The following COL5A2 variants were observed in gnomAD, a reference collection of about 807,000 sequenced individuals.
COL5A2 encodes collagen alpha-2(V) chain.
In COL5A2, 23 loss-of-function variants were observed where a neutral mutation model predicts 208.2. That is an observed-to-expected ratio of 0.11 (90% confidence interval 0.08 to 0.16). The LOEUF (loss-of-function observed/expected upper bound fraction) is 0.16. Ranked by LOEUF, COL5A2 falls within the 10% of genes least tolerant of loss-of-function variation. COL5A2 has a pLI of 1.00. For synonymous variants in COL5A2, 625 were observed against 628.5 expected, an observed-to-expected ratio of 0.99 and a Z score of 0.08; for missense variants, 1,590 against 1,956.4, an observed-to-expected ratio of 0.81 and a Z score of 3.53.
chr2:189,213,033 C>T (rs1014109708), intron 1 of COL5A2, among the ~76,000 whole-genome samples: 11 of 151,990 alleles, frequency 7.2e-5, no homozygotes, highest in African/African-American at 1.4e-4. Context: ...GGACTACAGG[C>T]GCATGTCACC....
chr2:189,053,471 G>C lies in COL5A2; in HGVS notation c.2506C>G (p.Arg836Gly), dbSNP rs367718811. 9.3e-6 allele frequency: 15 copies of C among 1,613,438 alleles called. No homozygotes were observed. The highest frequency in any genetic ancestry group is 1.3e-5 in the Non-Finnish European group (15 of 1,179,640). The stretch of plus-strand genomic sequence containing the variant: ...GCTCCAGTTGGCCCATTTTCACCTC[G>C]AGAACCCTAGGAGGAGACAAAGATT... Reference protein sequence around the residue: ...PPGSRGNPGSRGENGPTGAVG... With the variant: ...PPGSRGNPGSGGENGPTGAVG... Residue 836 changes from arginine (R) to glycine (G), a missense_variant, in exon 38 of 54, where the codon CGA becomes GGA. Arg to Gly is a moderately radical substitution (Grantham distance 125). Coordinates refer to ENST00000374866, the MANE Select transcript of COL5A2 (RefSeq NM_000393.5).
At chr2:189,067,623 ACT>A (rs1394478496) in intron 21 of COL5A2, among the ~76,000 whole-genome samples, 1 of 152,102 alleles carries the variant, frequency 6.6e-6, no homozygotes, top group African/African-American at 2.4e-5. Flanking sequence ...TTTAACAATA[ACT>A]CTGAAGAAAT....
the COL5A2 span, among the ~76,000 whole-genome samples, chr2:189,278,422 G>C: frequency 2.0e-5 from 3 of 152,060 alleles, no homozygotes; most frequent in African/African-American, 7.2e-5. Context: ...CAGTCAGTCA[G>C]TCAAGAAAAC....
chr2:189,249,718 C>T, the COL5A2 span, among the ~76,000 whole-genome samples: 25 of 152,298 alleles, frequency 1.6e-4, no homozygotes, highest in South Asian at 3.7e-3. Context: ...TGTTTTGAGA[C>T]GGAGTTTCAC....
chr2:189,276,203 A>T, the COL5A2 span, among the ~76,000 whole-genome samples: 1 of 152,196 alleles, frequency 6.6e-6, no homozygotes, highest in African/African-American at 2.4e-5. Flanking sequence ...CACACACACT[A>T]CACAGAATGC....
chr2:189,346,105 T>G, the COL5A2 span, among the ~76,000 whole-genome samples: 1 of 152,346 alleles, frequency 6.6e-6, no homozygotes, highest in South Asian at 2.1e-4. Flanking sequence ...TGCTCATTTC[T>G]TGCCAAATGC....
chr2:189,326,464 G>A, the COL5A2 span, among the ~76,000 whole-genome samples: 1 of 152,042 alleles, frequency 6.6e-6, no homozygotes, highest in African/African-American at 2.4e-5. Context: ...GGAAGCCGAG[G>A]CCAGGAATTG....
upstream of COL5A2, among the ~76,000 whole-genome samples, chr2:189,181,623 C>A (rs73980175): frequency 0.03 from 4,506 of 152,246 alleles, 78 homozygotes; most frequent in Admixed American, 0.046. Context: ...CCTTGTGCAG[C>A]ATTTTTACTG....
intron 1 of COL5A2, among the ~76,000 whole-genome samples, chr2:189,112,714 T>C (rs1687308702): frequency 1.3e-5 from 2 of 152,362 alleles, no homozygotes; most frequent in East Asian, 1.9e-4. Context: ...TCTATGTCCA[T>C]AGTGCTATTA....
the COL5A2 span, among the ~76,000 whole-genome samples, chr2:189,439,654 A>T: frequency 6.6e-6 from 1 of 152,208 alleles, no homozygotes; most frequent in African/African-American, 2.4e-5. Context: ...AATTATGTAA[A>T]AAGAAATCAA....
the COL5A2 span, among the ~76,000 whole-genome samples, chr2:189,335,027 A>C: frequency 1.3e-5 from 2 of 152,052 alleles, no homozygotes; most frequent in Non-Finnish European, 2.9e-5. Context: ...CATATTTAAA[A>C]AAATCCTTGG....
chr2:189,320,209 A>G, the COL5A2 span, among the ~76,000 whole-genome samples: 13 of 152,314 alleles, frequency 8.5e-5, no homozygotes, highest in Admixed American at 6.5e-4. Context: ...AAACACAAAG[A>G]TGGGGATAAA....
chr2:189,220,136 C>T lies in COL5A2; in HGVS notation c.-42+5012G>A, dbSNP rs140653139. The stretch of plus-strand genomic sequence containing the variant: ...TGACCTCAGGTGAAGAGACACTCTG[C>T]AGCTGAGGCCCACCCTGAAGGGGCT... On this transcript the variant is annotated intron_variant, in intron 1 of 10. Coordinates refer to the COL5A2 transcript ENST00000649966. Among the ~76,000 whole-genome samples the T allele has an allele frequency of 2.3e-4, 35 of 152,258 alleles. No homozygotes were observed. In the East Asian group the frequency reaches 2.5e-3, roughly 11 times the overall value.
chr2:189,225,737 A>G (rs1250837888), upstream of COL5A2, among the ~76,000 whole-genome samples: 2 of 152,148 alleles, frequency 1.3e-5, no homozygotes, highest in Non-Finnish European at 2.9e-5. Context: ...CATTTCATAT[A>G]TATGTTCTAA....
chr2:189,301,159 C>G, the COL5A2 span, among the ~76,000 whole-genome samples: 3 of 151,940 alleles, frequency 2.0e-5, no homozygotes, highest in Admixed American at 6.6e-5. Context: ...TTCACTCCAG[C>G]CTGGGTGACA....
At chr2:189,300,081 G>C in the COL5A2 span, among the ~76,000 whole-genome samples, 1 of 152,136 alleles carries the variant, frequency 6.6e-6, no homozygotes, top group African/African-American at 2.4e-5. Flanking sequence ...AACCCCTTTA[G>C]GGACTGTTAT....
intron 31 of COL5A2, among the ~76,000 whole-genome samples, chr2:189,059,187 A>C (rs776175748): frequency 7.2e-5 from 11 of 152,208 alleles, no homozygotes; most frequent in Non-Finnish European, 1.2e-4. Flanking sequence ...TTTTAGAGGC[A>C]ACAAAATACA....
intron 1 of COL5A2, among the ~76,000 whole-genome samples, chr2:189,218,676 A>G (rs1689308566): frequency 6.6e-6 from 1 of 152,134 alleles, no homozygotes; most frequent in Admixed American, 6.6e-5. Context: ...GGGAAAGATA[A>G]GGTTTAAAAT....
intron 47 of COL5A2, among the ~76,000 whole-genome samples, chr2:189,044,788 G>T (rs1432833389): frequency 6.6e-6 from 1 of 151,978 alleles, no homozygotes; most frequent in Non-Finnish European, 1.5e-5. Flanking sequence ...AACATAGAAA[G>T]AAAAATCTAG....
Sources: allele counts gnomAD v4.1 joint callset (sites outside exome capture counted in the v4.1 genomes callset), GRCh38; gene constraint gnomAD v4.1.1; transcripts MANE v1.5; gene names NCBI Gene and HGNC (gene_info 2026-07-23, HGNC 2026-07-21).